Variants in HDGFL3 observed in about 807,000 individuals in gnomAD.
HDGFL3 encodes hepatoma-derived growth factor-related protein 3.
A neutral mutation model predicts 27.6 loss-of-function variants in HDGFL3; 6 were observed. The observed-to-expected ratio is 0.22, with a 90% confidence interval of 0.12 to 0.43. HDGFL3 has a LOEUF of 0.43. Among genes scored for constraint, HDGFL3 ranks in the 20% least tolerant of loss-of-function variants. The pLI is 1.00. For synonymous variants in HDGFL3, 88 were observed against 88.9 expected, an observed-to-expected ratio of 0.99 and a Z score of 0.05; for missense variants, 207 against 250.1, an observed-to-expected ratio of 0.83 and a Z score of 1.16.
Position 83,146,222 on chromosome 15 carries a change from T to C in HDGFL3, c.606+4993A>G, listed in dbSNP as rs1286695503. Among the ~76,000 whole-genome samples the C allele has an allele frequency of 2.6e-5, 4 of 152,130 alleles. No individual in the cohort carries two copies. In the East Asian group the frequency reaches 7.7e-4, roughly 29 times the overall value. On this transcript the variant is annotated intron_variant, in intron 5 of 5. Transcript: ENST00000299633. Reference sequence around the variant, plus strand: ...GTGATTCACAACCACTGGGAGTAACTGTAAATACTGTCTTAAGCCACTGTT... The same window carrying C: ...GTGATTCACAACCACTGGGAGTAACCGTAAATACTGTCTTAAGCCACTGTT...
At chr15:83,116,655 G>A (rs2034687249) in intron 3 of HDGFL3, among the ~76,000 whole-genome samples, 1 of 152,204 alleles carries the variant, frequency 6.6e-6, no homozygotes, top group Admixed American at 6.5e-5. Context: ...TGCAGGGAAG[G>A]GTCCGTGCCA....
At position 83,138,987 on chromosome 15, in the gene HDGFL3, C is replaced by A; in HGVS notation, c.*283G>T. The A allele has an allele frequency of 3.9e-6, 1 of 256,506 alleles. No homozygotes were observed. Among genetic ancestry groups the A allele is most frequent in the Non-Finnish European group, 7.4e-6 (1 of 135,214 alleles). The allele number at this position is 256,506 out of a possible 1,614,324, so 15.9% of individuals were successfully genotyped here. A position where few individuals can be genotyped will look rare whatever the true frequency, so the allele number is the denominator to read the frequency against. On this transcript the variant is annotated 3_prime_UTR_variant, in exon 6 of 6. Transcript: ENST00000299633. Reference sequence around the variant, plus strand: ...ACTGCCTTGATAAAAGGATCCTAGACATGTATAAGTCTGCGCAAAAATCTT... The same window carrying A: ...ACTGCCTTGATAAAAGGATCCTAGAAATGTATAAGTCTGCGCAAAAATCTT...
At position 83,138,033 on chromosome 15, in the gene HDGFL3, C is replaced by T. The variant is rs1461317310; in HGVS notation, c.*1237G>A. On this transcript the variant is annotated 3_prime_UTR_variant, in exon 6 of 6. Transcript: ENST00000299633. ...AAAAAAAAGAAAGAAAAAGAAAAAC[C>T]CTCACCTGCACTTGATTCTATTGTC... 2 of 152,008 alleles carry T rather than the reference C, an allele frequency of 1.3e-5. No homozygotes were observed. Among genetic ancestry groups the T allele is most frequent in the African/African-American group, 2.4e-5 (1 of 41,292 alleles). 9.4% of individuals were successfully genotyped at this position (152,008 alleles called of 1,614,324 possible). A position where few individuals can be genotyped will look rare whatever the true frequency, so the allele number is the denominator to read the frequency against.
intron 1 of HDGFL3, chr15:83,179,359 ATAGAG>A (rs1449608457): frequency 1.3e-5 from 2 of 152,208 alleles, no homozygotes; most frequent in Admixed American, 1.3e-4. Flanking sequence ...TCCTTTACCA[ATAGAG>A]TAAATAGGAG....
intron 1 of HDGFL3, chr15:83,169,344 G>C (rs2037214251): frequency 6.6e-6 from 2 of 303,304 alleles, no homozygotes; most frequent in African/African-American, 4.6e-5. Context: ...GAACCCGGGA[G>C]GCGGAGCTTG....
At chr15:83,192,241 C>T (rs887008273) in intron 1 of HDGFL3, 1 of 453,818 alleles carries the variant, frequency 2.2e-6, no homozygotes, top group African/African-American at 2.0e-5. Context: ...AGTGCCTGAC[C>T]TGTAACTCAC....
rs2036349490 is a variant in HDGFL3 at position 83,132,888 on chromosome 15, T to A, written c.*6382A>T. On this transcript the variant is annotated 3_prime_UTR_variant, in exon 6 of 6. Transcript: ENST00000299633. Reference sequence around the variant, plus strand: ...TGATTTAACATCTTTTATGTACTTATCCTTTCATGGAGACACTCACAGTAA... The same window carrying A: ...TGATTTAACATCTTTTATGTACTTAACCTTTCATGGAGACACTCACAGTAA... 6.6e-6 allele frequency: 1 copy of A among 152,234 alleles called. No individual in the cohort carries two copies. The highest frequency in any genetic ancestry group is 1.5e-5 in the Non-Finnish European group (1 of 68,038). 9.4% of individuals were successfully genotyped at this position (152,234 alleles called of 1,614,324 possible). A position where few individuals can be genotyped will look rare whatever the true frequency, so the allele number is the denominator to read the frequency against.
At chr15:83,115,698 G>A in exon 4 of HDGFL3, 1 of 712,600 alleles carries the variant, frequency 1.4e-6, no homozygotes, top group Non-Finnish European at 2.6e-6. Flanking sequence ...GTGTGTAGAA[G>A]GGGTATTCTG....
At chr15:83,183,587 C>A (rs2037405675) in intron 1 of HDGFL3, among the ~76,000 whole-genome samples, 1 of 151,988 alleles carries the variant, frequency 6.6e-6, no homozygotes, top group East Asian at 1.9e-4. Flanking sequence ...ATGGTGAAAC[C>A]TCATCTCCAC....
At chr15:83,121,044 G>C (rs1221658185) in intron 3 of HDGFL3, among the ~76,000 whole-genome samples, 2 of 151,754 alleles carry the variant, frequency 1.3e-5, no homozygotes, top group African/African-American at 4.8e-5. Flanking sequence ...TGTGGAGTTT[G>C]GGTTATTGGG....
intron 1 of HDGFL3, among the ~76,000 whole-genome samples, chr15:83,169,748 C>T (rs376713965): frequency 7.9e-5 from 12 of 152,114 alleles, no homozygotes; most frequent in African/African-American, 2.4e-4. Context: ...TGCAGTAAGC[C>T]GAGATTGCAT....
At position 83,147,290 on chromosome 15, in the gene HDGFL3, G is replaced by T. The variant is rs1312442180; in HGVS notation, c.606+3925C>A. Among the ~76,000 whole-genome samples the T allele has an allele frequency of 2.0e-5, 3 of 152,026 alleles. No individual in the cohort carries two copies. In the South Asian group the frequency reaches 6.2e-4, roughly 32 times the overall value. On this transcript the variant is annotated intron_variant, in intron 5 of 5. Coordinates refer to ENST00000299633, the MANE Select transcript of HDGFL3 (RefSeq NM_016073.4). ...TTGGCCAGGATGGTCTCGATCTCTT[G>T]ATCTCGTGATCCATCTGCCTCGGCC...
intron 1 of HDGFL3, chr15:83,184,590 C>G (rs1391676724): frequency 6.6e-6 from 1 of 152,140 alleles, no homozygotes; most frequent in Non-Finnish European, 1.5e-5. Context: ...TTAGTGCTTT[C>G]CTCTCTTCCT....
chr15:83,136,720 A>C lies in HDGFL3; in HGVS notation c.*2550T>G, dbSNP rs754705327. 2.0e-6 allele frequency: 3 copies of C among 1,478,006 alleles called. No individual in the cohort carries two copies. In the Admixed American group the frequency reaches 6.1e-5, roughly 30 times the overall value. 91.6% of individuals were successfully genotyped at this position (1,478,006 alleles called of 1,614,324 possible). On this transcript the variant is annotated 3_prime_UTR_variant, in exon 6 of 6. Coordinates refer to ENST00000299633, the MANE Select transcript of HDGFL3 (RefSeq NM_016073.4). ...TTTCTAAATTACTAACTTTTGTTAT[A>C]CTGGTACTGATATTTTGTCCCATTT...
intron 1 of HDGFL3, among the ~76,000 whole-genome samples, chr15:83,165,794 CAAAAA>C (rs57873221): frequency 7.2e-5 from 1 of 13,842 alleles, no homozygotes; most frequent in Non-Finnish European, 1.8e-4. Context: ...GAATCCATCT[CAAAAA>C]AAAAAAAAAA....
chr15:83,158,076 T>C, intron 2 of HDGFL3, 35 bp from the exon 3 acceptor site: 1 of 1,560,132 alleles, frequency 6.4e-7, no homozygotes, highest in South Asian at 1.2e-5. Context: ...ATTGACACAC[T>C]GACCTTCAAA....
At chr15:83,120,251 T>C (rs983925608) in intron 3 of HDGFL3, among the ~76,000 whole-genome samples, 1 of 152,218 alleles carries the variant, frequency 6.6e-6, no homozygotes, top group Non-Finnish European at 1.5e-5. Context: ...TAGCTTGGTC[T>C]TGGGAGGCAC....
rs1162608408 is a variant in HDGFL3 at position 83,142,689 on chromosome 15, ATATCACCATT to A, written c.607-3424_607-3415del. ...AAAAAGCAAGACGATTAAGATACTC[ATATCACCATT>A]TTTCAATTAAATATCTGTATAATAC... On this transcript the variant is annotated intron_variant, in intron 5 of 5. Coordinates refer to ENST00000299633, the MANE Select transcript of HDGFL3 (RefSeq NM_016073.4). 1.1e-4 allele frequency among the ~76,000 whole-genome samples: 16 copies of A among 152,350 alleles called. No individual in the cohort carries two copies. In the East Asian group the frequency reaches 3.1e-3, roughly 29 times the overall value.
downstream of HDGFL3, among the ~76,000 whole-genome samples, chr15:83,124,387 T>A (rs1227479594): frequency 3.3e-5 from 5 of 152,190 alleles, no homozygotes; most frequent in Non-Finnish European, 5.9e-5. Context: ...GGTTTACCTT[T>A]AAAATTTATT....
Sources: gnomAD v4.1 joint callset for allele counts (sites outside exome capture counted in the v4.1 genomes callset) on GRCh38, gnomAD v4.1.1 for gene constraint, MANE v1.5 for transcripts, NCBI Gene and HGNC (gene_info 2026-07-23, HGNC 2026-07-21) for gene names.